The following GALNT7 variants were observed in gnomAD, a reference collection of about 807,000 sequenced individuals.
GALNT7 encodes N-acetylgalactosaminyltransferase 7.
GALNT7 carries 60 observed loss-of-function variants against 82.1 expected under a neutral mutation model. The ratio of observed to expected loss-of-function variants is 0.73; its 90% CI spans 0.59 to 0.91. The LOEUF is 0.91. GALNT7 is among the 40% of genes least tolerant of loss of function. The pLI is 0.00. For missense variants in GALNT7, 660 were observed against 804.2 expected (o/e 0.82, Z 2.17); for synonymous variants, 243 against 275.1 (o/e 0.88, Z 1.15).
chr4:173,204,472 A>T (rs1304695356), intron 1 of GALNT7, among the ~76,000 whole-genome samples: 2 of 152,134 alleles, frequency 1.3e-5, no homozygotes, highest in Non-Finnish European at 2.9e-5. Context: ...TGCTGTTTTG[A>T]TGCTGTCCCA....
rs1735939217 is a variant in GALNT7, at chr4:173,277,078, A to G, written c.588-15030A>G. Among the ~76,000 whole-genome samples, 3 of 152,224 alleles carry G rather than the reference A, an allele frequency of 2.0e-5. No homozygotes were observed. The South Asian group carries it at 6.2e-4, about 32-fold the overall frequency. ...GATTAAAACTTAGTGAAAAGCTCTC[A>G]GTTTAACTCTTAGTTCATTAATATA... On this transcript the variant is annotated intron_variant, in intron 2 of 11. Coordinates refer to ENST00000265000, the MANE Select transcript of GALNT7 (RefSeq NM_017423.3).
chr4:173,225,874 G>T (rs1482444795), intron 1 of GALNT7, among the ~76,000 whole-genome samples: 2 of 152,178 alleles, frequency 1.3e-5, no homozygotes, highest in East Asian at 3.9e-4. Flanking sequence ...GTGAAGCTGA[G>T]CTATGAAGTG....
At chr4:173,297,869 A>G in intron 5 of GALNT7, 1 of 1,506,386 alleles carries the variant, frequency 6.6e-7, no homozygotes, top group Non-Finnish European at 8.8e-7. Context: ...CAAGGTGGGG[A>G]TGAAGATGGT....
At chr4:173,276,868 G>A (rs1245370859) in intron 2 of GALNT7, among the ~76,000 whole-genome samples, 1 of 152,008 alleles carries the variant, frequency 6.6e-6, no homozygotes, top group Non-Finnish European at 1.5e-5. Context: ...CTTGTTTGGT[G>A]AGCATGTGTA....
At chr4:173,275,223 ATTAT>A (rs1222213463) in intron 2 of GALNT7, among the ~76,000 whole-genome samples, 9 of 152,182 alleles carry the variant, frequency 5.9e-5, no homozygotes, top group Admixed American at 5.9e-4. Context: ...GTTTATACAC[ATTAT>A]TTAAGGTTAT....
intron 2 of GALNT7, among the ~76,000 whole-genome samples, chr4:173,286,365 G>C (rs1736322303): frequency 6.6e-6 from 1 of 152,184 alleles, no homozygotes; most frequent in Non-Finnish European, 1.5e-5. Context: ...TGTTAGCCAG[G>C]GACTTTCCTT....
In GALNT7 at chr4:173,168,915, C is replaced by T. The variant is rs1282968681; in HGVS notation, c.80C>T (p.Ser27Phe). The T allele has an allele frequency of 6.2e-7, 1 of 1,613,698 alleles. No homozygotes were observed. Among genetic ancestry groups the T allele is most frequent in the Non-Finnish European group, 8.5e-7 (1 of 1,179,756 alleles). ...CTGGGGCTAGTGGTCCTCTGGTCTTCCCTGACCCCGCGGCCGGACGACCCA... is the reference window on the plus strand; with the variant it reads ...CTGGGGCTAGTGGTCCTCTGGTCTTTCCTGACCCCGCGGCCGGACGACCCA... ...SFLGLVVLWS[S>F]LTPRPDDPSP... The change falls in exon 1 of 12, where the codon TCC becomes TTC. Residue 27 changes from serine (S) to phenylalanine (F), a missense_variant. This residue lies in a region of GALNT7 where 133 missense variants were observed against 120.7 expected (regional missense o/e 1.10). Transcript: ENST00000265000.
intron 1 of GALNT7, chr4:173,169,733 C>T (rs977955454): frequency 6.6e-6 from 1 of 152,032 alleles, no homozygotes; most frequent in Non-Finnish European, 1.5e-5. Flanking sequence ...CGCCCCCAGC[C>T]CTCAGCGCCT....
rs915172214 is a variant in GALNT7, at chr4:173,227,823, C to T, written c.127-20157C>T. Reference sequence around the variant, plus strand: ...GTTTTTTGCACCTTTTAAAAAAAATCGCTTAAGCTAGGGTTTTTGTTTCTG... The same window carrying T: ...GTTTTTTGCACCTTTTAAAAAAAATTGCTTAAGCTAGGGTTTTTGTTTCTG... On this transcript the variant is annotated intron_variant, in intron 1 of 11. Coordinates refer to ENST00000265000, the MANE Select transcript of GALNT7 (RefSeq NM_017423.3). Among the ~76,000 whole-genome samples, 4 of 152,156 alleles carry T rather than the reference C, an allele frequency of 2.6e-5. No individual in the cohort carries two copies. The South Asian group carries it at 6.2e-4, about 24-fold the overall frequency.
At chr4:173,234,750 A>G (rs1442893950) in intron 1 of GALNT7, among the ~76,000 whole-genome samples, 1 of 152,108 alleles carries the variant, frequency 6.6e-6, no homozygotes. Flanking sequence ...TGCCATCTTC[A>G]CTGTAATAAG....
intron 1 of GALNT7, among the ~76,000 whole-genome samples, chr4:173,223,215 A>G (rs1044544227): frequency 6.6e-6 from 1 of 152,246 alleles, no homozygotes; most frequent in Non-Finnish European, 1.5e-5. Context: ...CACACAGTCT[A>G]TTCTGCATAG....
intron 1 of GALNT7, among the ~76,000 whole-genome samples, chr4:173,188,847 T>C (rs956512348): frequency 1.3e-5 from 2 of 152,226 alleles, no homozygotes; most frequent in Admixed American, 1.3e-4. Context: ...TTATGATTGA[T>C]GGTAATGCTC....
chr4:173,261,527 A>C (rs879759357), intron 2 of GALNT7, among the ~76,000 whole-genome samples: 1 of 152,206 alleles, frequency 6.6e-6, no homozygotes, highest in Non-Finnish European at 1.5e-5. Flanking sequence ...TAAAAAATAG[A>C]TAGCTACAGC....
chr4:173,229,848 C>CT (rs918637712), intron 1 of GALNT7, among the ~76,000 whole-genome samples: 7 of 151,412 alleles, frequency 4.6e-5, no homozygotes, highest in South Asian at 2.1e-4. Flanking sequence ...TGATTTACTA[C>CT]TTTTTTTTTC....
At chr4:173,313,406 A>C (rs1034016622) in intron 8 of GALNT7, among the ~76,000 whole-genome samples, 2 of 78,372 alleles carry the variant, frequency 2.6e-5, no homozygotes, top group Non-Finnish European at 7.6e-5. Flanking sequence ...CCATCTACAC[A>C]AAAAAATAAC....
chr4:173,170,206 G>C (rs538596139), intron 1 of GALNT7, among the ~76,000 whole-genome samples: 1 of 152,228 alleles, frequency 6.6e-6, no homozygotes, highest in Non-Finnish European at 1.5e-5. Context: ...GCTGCCAGTG[G>C]GGGTAGGAGA....
intron 1 of GALNT7, among the ~76,000 whole-genome samples, chr4:173,238,426 G>A (rs1734304536): frequency 6.6e-6 from 1 of 152,100 alleles, no homozygotes; most frequent in African/African-American, 2.4e-5. Context: ...ATCTACTAGA[G>A]CCTTTTATTA....
intron 1 of GALNT7, among the ~76,000 whole-genome samples, chr4:173,198,209 G>A (rs560810865): frequency 2.7e-5 from 4 of 147,560 alleles, no homozygotes; most frequent in African/African-American, 5.0e-5. Flanking sequence ...ACAGGTGCCC[G>A]CCACCATGCC....
At chr4:173,245,239 T>G (rs989480640) in intron 1 of GALNT7, among the ~76,000 whole-genome samples, 2 of 151,708 alleles carry the variant, frequency 1.3e-5, no homozygotes, top group Non-Finnish European at 2.9e-5. Context: ...AAAAACAACT[T>G]TTGGAGGAAA....
Sources: allele counts gnomAD v4.1 joint callset (sites outside exome capture counted in the v4.1 genomes callset), GRCh38; gene constraint gnomAD v4.1.1; regional missense constraint gnomAD v4.1.1; transcripts MANE v1.5; gene names NCBI Gene and HGNC (gene_info 2026-07-23, HGNC 2026-07-21).